Variants in ENHO observed in about 807,000 individuals in gnomAD.
The protein encoded by ENHO is energy homeostasis associated.
Under a neutral mutation model 4.1 loss-of-function variants are expected in ENHO, and 5 were observed. The observed-to-expected ratio is 1.23, with a 90% CI of 0.64 to 2.58. ENHO has a LOEUF of 2.58. ENHO is among the 30% of genes most tolerant of loss of function. The pLI, the probability that ENHO is intolerant of heterozygous loss-of-function variation, is 0.01. For missense variants in ENHO, 86 were observed against 97.7 expected (o/e 0.88, Z 0.51); for synonymous variants, 45 against 42.9 (o/e 1.05, Z -0.19).
In ENHO at chr9:34,521,061, T is replaced by C; in HGVS notation, c.*404A>G. 1 of 527,462 alleles carries C rather than the reference T, an allele frequency of 1.9e-6. No individual in the cohort carries two copies. Among genetic ancestry groups the C allele is most frequent in the South Asian group, 2.1e-5 (1 of 48,346 alleles). The allele number at this position is 527,462 out of a possible 1,614,324, so 32.7% of individuals were successfully genotyped here. The stretch of plus-strand genomic sequence containing the variant: ...CTCAGGGTAGAGCCATAGTTCCATT[T>C]ATTATCCAGCAAACACTGGGAGGAC... On this transcript the variant is annotated 3_prime_UTR_variant, in exon 2 of 2. Transcript: ENST00000399775.
chr9:34,522,136 C>A lies in ENHO; in HGVS notation c.-161-280G>T. On this transcript the variant is annotated intron_variant, in intron 1 of 1. Coordinates refer to ENST00000399775, the MANE Select transcript of ENHO (RefSeq NM_198573.3). This position sits in a 1 kb window ranked among gnomAD's most constrained non-coding sequence, Gnocchi z 4.2. ...CCTGGTGGGCATGCCCTGGTCCTGC[C>A]CACCAAGCTTGCAGCCCTCAAAAGC... is the stretch of plus-strand genomic sequence containing the variant. 1 of 158,190 alleles carries A rather than the reference C, an allele frequency of 6.3e-6. No individual in the cohort carries two copies. Among genetic ancestry groups the A allele is most frequent in the Admixed American group, 6.3e-5 (1 of 15,946 alleles). The allele number at this position is 158,190 out of a possible 1,614,324, so 9.8% of individuals were successfully genotyped here.
rs768200918 is a variant in ENHO at position 34,521,525 on chromosome 9, A to G, written c.171T>C (p.Pro57=). 4 of 1,613,834 alleles carry G rather than the reference A, an allele frequency of 2.5e-6. No individual in the cohort carries two copies. The African/African-American group carries it at 5.3e-5, about 22-fold the overall frequency. ...GCTTCTGGGGTGGTGGGGCCTTCTCAGGACAGGGGCCAGGGCTGGAGTTGG... is the reference window on the plus strand; with the variant it reads ...GCTTCTGGGGTGGTGGGGCCTTCTCGGGACAGGGGCCAGGGCTGGAGTTGG... ...SSPNSSPGPC[P]EKAPPPQKPS... The change falls in exon 2 of 2, where the codon CCT becomes CCC. Residue 57 remains proline, a synonymous_variant. Transcript: ENST00000399775.
rs1204804018 is a variant in ENHO, at chr9:34,522,565, GTC to G, written c.-162+210_-162+211del. On this transcript the variant is annotated intron_variant, in intron 1 of 1. Transcript: ENST00000399775. The surrounding 1 kb of genome is among the most constrained non-coding windows in gnomAD (Gnocchi z 4.2). Reference sequence around the variant, plus strand: ...TGTGTCTCTGTGTATCTCTGCATCAGTCTCTGTGTCTCTCTCTCTCTTCCAGG... The same window carrying G: ...TGTGTCTCTGTGTATCTCTGCATCAGTCTGTGTCTCTCTCTCTCTTCCAGG... Among the ~76,000 whole-genome samples, 1 of 152,038 alleles carries G rather than the reference GTC, an allele frequency of 6.6e-6. No homozygotes were observed. Among genetic ancestry groups the G allele is most frequent in the East Asian group, 1.9e-4 (1 of 5,182 alleles).
Position 34,522,102 on chromosome 9 carries a change from C to T in ENHO, c.-161-246G>A, listed in dbSNP as rs766190653. ...TGCAGTAGGCAGCCGTCATCTCATT[C>T]TCCTTAGACCTGGTGGGCATGCCCT... On this transcript the variant is annotated intron_variant, in intron 1 of 1. Transcript: ENST00000399775. The surrounding 1 kb of genome is among the most constrained non-coding windows in gnomAD (Gnocchi z 4.2). 6.6e-6 allele frequency among the ~76,000 whole-genome samples: 1 copy of T among 152,116 alleles called. No homozygotes were observed. The highest frequency in any genetic ancestry group is 1.5e-5 in the Non-Finnish European group (1 of 67,990).
rs753487067 is a variant in ENHO at position 34,521,663 on chromosome 9, G to A, written c.33C>T (p.Ile11=). The A allele has an allele frequency of 9.9e-6, 16 of 1,613,886 alleles. No homozygotes were observed. The highest frequency in any genetic ancestry group is 5.3e-5 in the African/African-American group (4 of 74,930). Residue 11 remains isoleucine, a synonymous_variant, in exon 2 of 2, where the codon ATC becomes ATT. Transcript: ENST00000399775. Reference sequence around the variant, plus strand: ...CCACGAGACCGTTGCAGACGATGGCGATGAGGGCCCCCTGGGAGATGGCTG... The same window carrying A: ...CCACGAGACCGTTGCAGACGATGGCAATGAGGGCCCCCTGGGAGATGGCTG... MGAAISQGAL[I]AIVCNGLVGF... is the part of the protein sequence containing the mutation.
Position 34,521,151 on chromosome 9 carries a change from C to A in ENHO, c.*314G>T. ...CATGGGTTCCAGTTTGCTTCCCCAG[C>A]CTAGAGGGCCTAGAGGTGCTCAGCC... On this transcript the variant is annotated 3_prime_UTR_variant, in exon 2 of 2. Coordinates refer to ENST00000399775, the MANE Select transcript of ENHO (RefSeq NM_198573.3). 1.9e-6 allele frequency: 1 copy of A among 526,580 alleles called. No individual in the cohort carries two copies. The allele number at this position is 526,580 out of a possible 1,614,324, so 32.6% of individuals were successfully genotyped here. A position where few individuals can be genotyped will look rare whatever the true frequency, so the allele number is the denominator to read the frequency against.
rs763105933 is a variant in ENHO at position 34,521,618 on chromosome 9, G to GAGC, written c.75_77dup (p.Leu26dup). The stretch of plus-strand genomic sequence containing the variant: ...GGCAGGCCCAGCAGAGGATGACCCA[G>GAGC]AGCAGCAGCAGCAAGAAGCCCACGA... On this transcript the variant is annotated inframe_insertion, in exon 2 of 2. Coordinates refer to ENST00000399775, the MANE Select transcript of ENHO (RefSeq NM_198573.3). 11 of 1,614,000 alleles carry GAGC rather than the reference G, an allele frequency of 6.8e-6. No individual in the cohort carries two copies. Among genetic ancestry groups the GAGC allele is most frequent in the Admixed American group, 1.7e-5 (1 of 60,030 alleles).
Position 34,521,145 on chromosome 9 carries a change from C to T in ENHO, c.*320G>A. On this transcript the variant is annotated 3_prime_UTR_variant, in exon 2 of 2. Transcript: ENST00000399775. ...TATTGCCATGGGTTCCAGTTTGCTTCCCCAGCCTAGAGGGCCTAGAGGTGC... is the reference window on the plus strand; with the variant it reads ...TATTGCCATGGGTTCCAGTTTGCTTTCCCAGCCTAGAGGGCCTAGAGGTGC... 1 of 529,758 alleles carries T rather than the reference C, an allele frequency of 1.9e-6. No homozygotes were observed. The highest frequency in any genetic ancestry group is 3.4e-5 in the East Asian group (1 of 29,280). 32.8% of individuals were successfully genotyped at this position (529,758 alleles called of 1,614,324 possible).
chr9:34,521,876 A>C lies in ENHO; in HGVS notation c.-161-20T>G, dbSNP rs1825286904. 4.9e-6 allele frequency: 3 copies of C among 617,386 alleles called. No individual in the cohort carries two copies. Among genetic ancestry groups the C allele is most frequent in the Non-Finnish European group, 8.8e-6 (3 of 339,644 alleles). The allele number at this position is 617,386 out of a possible 1,614,324, so 38.2% of individuals were successfully genotyped here. ...CTGAGCCTGTTGGGGGTATACAGTA[A>C]AGGAGAGGGTGGTGAGGAGGAAGGG... On this transcript the variant is annotated intron_variant, in intron 1 of 1. Coordinates refer to ENST00000399775, the MANE Select transcript of ENHO (RefSeq NM_198573.3).
chr9:34,521,721 C>G lies in ENHO; in HGVS notation c.-26G>C, dbSNP rs1277045416. The G allele has an allele frequency of 3.1e-6, 5 of 1,592,686 alleles. No individual in the cohort carries two copies. In the African/African-American group the frequency reaches 4.0e-5, roughly 13 times the overall value. Reference sequence around the variant, plus strand: ...GACAGGCAGCACCCTCAGACCAGCACAGACAGTGGAGCTGCCTCAATGGTG... The same window carrying G: ...GACAGGCAGCACCCTCAGACCAGCAGAGACAGTGGAGCTGCCTCAATGGTG... On this transcript the variant is annotated 5_prime_UTR_variant, in exon 2 of 2. Coordinates refer to ENST00000399775, the MANE Select transcript of ENHO (RefSeq NM_198573.3).
In ENHO at chr9:34,521,353, G is replaced by T; in HGVS notation, c.*112C>A. The T allele has an allele frequency of 9.8e-7, 1 of 1,017,778 alleles. No individual in the cohort carries two copies. Among genetic ancestry groups the T allele is most frequent in the Non-Finnish European group, 1.5e-6 (1 of 666,522 alleles). 63.0% of individuals were successfully genotyped at this position (1,017,778 alleles called of 1,614,324 possible). On this transcript the variant is annotated 3_prime_UTR_variant, in exon 2 of 2. Transcript: ENST00000399775. ...TCTGGGCCGCTGGGTCCAGCTCCAA[G>T]CAGGCGGACTCTTGAGTTCTGGACC...
Position 34,522,020 on chromosome 9 carries a change from CCA to C in ENHO, c.-161-166_-161-165del, listed in dbSNP as rs1446033787. Among the ~76,000 whole-genome samples, 1 of 152,160 alleles carries C rather than the reference CCA, an allele frequency of 6.6e-6. No homozygotes were observed. Among genetic ancestry groups the C allele is most frequent in the Non-Finnish European group, 1.5e-5 (1 of 68,030 alleles). On this transcript the variant is annotated intron_variant, in intron 1 of 1. Coordinates refer to ENST00000399775, the MANE Select transcript of ENHO (RefSeq NM_198573.3). This position sits in a 1 kb window ranked among gnomAD's most constrained non-coding sequence, Gnocchi z 4.2. Reference sequence around the variant, plus strand: ...CGAATACCCCACAGAGCCATCACCCCCATCCACAGGCTTGGTTCTGGCCACCT... The same window carrying C: ...CGAATACCCCACAGAGCCATCACCCCTCCACAGGCTTGGTTCTGGCCACCT...
Sources: allele counts gnomAD v4.1 joint callset (sites outside exome capture counted in the v4.1 genomes callset), GRCh38; gene constraint gnomAD v4.1.1; non-coding constraint Gnocchi (gnomAD v3.1); transcripts MANE v1.5; gene names NCBI Gene and HGNC (gene_info 2026-07-23, HGNC 2026-07-21).